SMOC1: variants seen among roughly 807,000 people sequenced by gnomAD.
The protein encoded by SMOC1 is SPARC-related modular calcium-binding protein 1.
Under a neutral mutation model 56.3 loss-of-function variants are expected in SMOC1, and 22 were observed. The observed-to-expected ratio is 0.39, with a 90% CI of 0.28 to 0.56. SMOC1 has a LOEUF of 0.56. Ranked by LOEUF, SMOC1 falls within the 20% of genes least tolerant of loss-of-function variation. The pLI is 0.61. For missense variants in SMOC1, 509 were observed against 565.4 expected (o/e 0.90, Z 1.01); for synonymous variants, 193 against 215.0 (o/e 0.90, Z 0.89).
intron 11 of SMOC1, among the ~76,000 whole-genome samples, chr14:70,027,510 G>C (rs2139625927): frequency 6.6e-6 from 1 of 152,296 alleles, no homozygotes; most frequent in East Asian, 1.9e-4. Context: ...CAGGCAGGCA[G>C]TGCCTATGGG....
At chr14:69,941,821 C>T (rs971427614) in intron 1 of SMOC1, among the ~76,000 whole-genome samples, 3 of 152,184 alleles carry the variant, frequency 2.0e-5, no homozygotes, top group Admixed American at 6.5e-5. Flanking sequence ...GTCCTTTCAA[C>T]ATCCCTTCCT....
intron 10 of SMOC1, among the ~76,000 whole-genome samples, chr14:70,022,259 A>T (rs1447728147): frequency 6.6e-6 from 1 of 152,256 alleles, no homozygotes; most frequent in Non-Finnish European, 1.5e-5. Context: ...TTTGGGAGAA[A>T]ATAGGAGACA....
At chr14:69,885,601 A>T in intron 1 of SMOC1, 2 of 1,532,856 alleles carry the variant, frequency 1.3e-6, no homozygotes, top group East Asian at 4.5e-5. Context: ...TAATGCAGTA[A>T]GGGACCCCCA....
chr14:69,995,122 C>T (rs1256863606), intron 7 of SMOC1, among the ~76,000 whole-genome samples: 5 of 152,140 alleles, frequency 3.3e-5, no homozygotes, highest in African/African-American at 1.2e-4. Flanking sequence ...TCTTTTCAAC[C>T]GAAGACTTCA....
chr14:69,951,712 G>T (rs1037203048), intron 1 of SMOC1, among the ~76,000 whole-genome samples: 1 of 152,188 alleles, frequency 6.6e-6, no homozygotes, highest in African/African-American at 2.4e-5. Flanking sequence ...GGATGAAGAG[G>T]CTGGACATCC....
chr14:69,990,172 A>C (rs550929921), intron 5 of SMOC1, among the ~76,000 whole-genome samples: 2 of 152,268 alleles, frequency 1.3e-5, no homozygotes, highest in African/African-American at 2.4e-5. Context: ...AAGCTTCCCC[A>C]AAAAACCTTT....
At chr14:69,951,051 CA>C (rs1292009341) in intron 1 of SMOC1, among the ~76,000 whole-genome samples, 14 of 152,190 alleles carry the variant, frequency 9.2e-5, no homozygotes, top group Admixed American at 9.2e-4. Context: ...CTTCTTCACT[CA>C]GCATGTCTCT....
In SMOC1 at chr14:70,022,887, A is replaced by G. The variant is rs376545129; in HGVS notation, c.1047-316A>G. ...TTTGGATTCCAGCTCTGGTTTATTC[A>G]GCAAATTAGATCAAGCCAATTTGTC... is the stretch of plus-strand genomic sequence containing the variant. On this transcript the variant is annotated intron_variant, in intron 10 of 11. Transcript: ENST00000361956. Among the ~76,000 whole-genome samples, 13 of 152,360 alleles carry G rather than the reference A, an allele frequency of 8.5e-5. No homozygotes were observed. The East Asian group carries it at 2.5e-3, about 29-fold the overall frequency.
rs576404999 is a variant in SMOC1 at position 70,031,323 on chromosome 14, G to A, written c.*1065G>A. ...ACCTACCAGTGAGGCTCCCAGAGAC[G>A]CAGCTGTCTCAGTGCCAGGGGCAGA... is the stretch of plus-strand genomic sequence containing the variant. On this transcript the variant is annotated 3_prime_UTR_variant, in exon 12 of 12. Transcript: ENST00000361956. 6.7e-6 allele frequency: 1 copy of A among 148,846 alleles called. No homozygotes were observed. 9.2% of individuals were successfully genotyped at this position (148,846 alleles called of 1,614,324 possible). A position where few individuals can be genotyped will look rare whatever the true frequency, so the allele number is the denominator to read the frequency against.
intron 3 of SMOC1, among the ~76,000 whole-genome samples, chr14:69,974,208 T>A (rs1438547616): frequency 6.6e-6 from 1 of 152,050 alleles, no homozygotes; most frequent in Non-Finnish European, 1.5e-5. Flanking sequence ...ACTGGATGAA[T>A]CAACAGCTAG....
At chr14:69,928,708 C>G (rs963666785) in intron 1 of SMOC1, among the ~76,000 whole-genome samples, 3 of 152,026 alleles carry the variant, frequency 2.0e-5, no homozygotes, top group African/African-American at 7.2e-5. Context: ...GGAGGAAAGT[C>G]TAGATTAATG....
intron 4 of SMOC1, 108 bp downstream of exon 4, chr14:69,975,922 C>CCTTT (rs777245991): frequency 4.7e-4 from 363 of 770,048 alleles, no homozygotes; most frequent in Admixed American, 7.0e-4. Flanking sequence ...TGGTGATGAA[C>CCTTT]CTTTTTCTAG....
chr14:69,908,560 A>G (rs138117480), intron 1 of SMOC1, among the ~76,000 whole-genome samples: 1 of 152,308 alleles, frequency 6.6e-6, no homozygotes, highest in East Asian at 1.9e-4. Flanking sequence ...GACGAAGAAT[A>G]GGAAAGAACA....
chr14:69,888,475 A>T (rs1275219848), intron 1 of SMOC1, among the ~76,000 whole-genome samples: 2 of 152,178 alleles, frequency 1.3e-5, no homozygotes, highest in African/African-American at 4.8e-5. Context: ...CTAAGACAGG[A>T]AAGGTAGCTC....
chr14:69,947,239 T>A (rs540902661), intron 1 of SMOC1, among the ~76,000 whole-genome samples: 3 of 152,000 alleles, frequency 2.0e-5, no homozygotes, highest in Non-Finnish European at 4.4e-5. Context: ...GGTACCATCA[T>A]GGCTCACTGC....
Position 69,975,719 on chromosome 14 carries a change from A to G in SMOC1, c.383A>G (p.Gln128Arg). 6.2e-7 allele frequency: 1 copy of G among 1,612,118 alleles called. No individual in the cohort carries two copies. The highest frequency in any genetic ancestry group is 8.5e-7 in the Non-Finnish European group (1 of 1,178,980). Residue 128 changes from glutamine to arginine, a missense_variant, in exon 4 of 12, where the codon CAG becomes CGG. By Grantham distance (43) the Gln-to-Arg change is conservative. Coordinates refer to ENST00000361956, the MANE Select transcript of SMOC1 (RefSeq NM_001034852.3). ...CCTTTTCACTTCCCTGAACAGGTGC[A>G]GTGCCATACTTACACTGGGTACTGC... ...CGEDGSFTQV[Q>R]CHTYTGYCWC...
intron 3 of SMOC1, among the ~76,000 whole-genome samples, chr14:69,962,664 C>G (rs191365070): frequency 6.6e-6 from 1 of 152,144 alleles, no homozygotes; most frequent in Non-Finnish European, 1.5e-5. Flanking sequence ...GCAACCTCGG[C>G]CTCTTGGGCT....
chr14:69,969,966 G>A (rs978446238), intron 3 of SMOC1, among the ~76,000 whole-genome samples: 5 of 152,104 alleles, frequency 3.3e-5, no homozygotes, highest in Non-Finnish European at 5.9e-5. Context: ...AGAGAGACTG[G>A]TTTCCTCTCT....
intron 5 of SMOC1, among the ~76,000 whole-genome samples, chr14:69,991,680 T>G (rs1285086977): frequency 1.3e-5 from 2 of 152,198 alleles, no homozygotes; most frequent in East Asian, 3.9e-4. Flanking sequence ...GCTCCAATCA[T>G]CTATGTTAGA....
Sources: gnomAD v4.1 joint callset for allele counts (sites outside exome capture counted in the v4.1 genomes callset) on GRCh38, gnomAD v4.1.1 for gene constraint, MANE v1.5 for transcripts, NCBI Gene and HGNC (gene_info 2026-07-23, HGNC 2026-07-21) for gene names.